The following LGALS8 variants were observed in gnomAD, a reference collection of about 807,000 sequenced individuals.
LGALS8 encodes the protein galectin 8, also known as galectin-8.
In LGALS8, 30 loss-of-function variants were observed where a neutral mutation model predicts 35.9. The observed-to-expected ratio is 0.83, with a 90% confidence interval of 0.62 to 1.13. LGALS8 has a LOEUF of 1.13. Among genes scored for constraint, LGALS8 ranks in the 50% most tolerant of loss-of-function variants. The pLI is 0.00. For synonymous variants in LGALS8, 138 were observed against 136.1 expected (o/e 1.01, Z -0.10); for missense variants, 366 against 388.7 (o/e 0.94, Z 0.49).
At chr1:236,519,158 G>A (rs140408369), upstream of LGALS8, among the ~76,000 whole-genome samples, 2,326 of 151,888 alleles carry the variant, frequency 0.015, 60 homozygotes, top group African/African-American at 0.052. Context: ...GGAGGTTGAG[G>A]CAGGAGGACT....
Position 236,526,658 on chromosome 1 carries a change from T to C in LGALS8, c.45+543T>C, listed in dbSNP as rs1264571019. On this transcript the variant is annotated intron_variant, in intron 2 of 9. Transcript: ENST00000366584. The surrounding 1 kb of genome is among the most constrained non-coding windows in gnomAD (Gnocchi z 4.6). Reference sequence around the variant, plus strand: ...ACTGTAATTGCTGGAAATTGCCCTGTAATCCTGAGCAGTAAAGAGCTTGTT... The same window carrying C: ...ACTGTAATTGCTGGAAATTGCCCTGCAATCCTGAGCAGTAAAGAGCTTGTT... Among the ~76,000 whole-genome samples the C allele has an allele frequency of 6.6e-6, 1 of 152,190 alleles. No homozygotes were observed. The highest frequency in any genetic ancestry group is 1.5e-5 in the Non-Finnish European group (1 of 68,040).
chr1:236,552,141 T>C lies in LGALS8; in HGVS notation c.*3980T>C, dbSNP rs994189856. 3 of 1,366,728 alleles carry C rather than the reference T, an allele frequency of 2.2e-6. No homozygotes were observed. Among genetic ancestry groups the C allele is most frequent in the Admixed American group, 1.7e-5 (1 of 58,942 alleles). The allele number at this position is 1,366,728 out of a possible 1,614,324, so 84.7% of individuals were successfully genotyped here. A position where few individuals can be genotyped will look rare whatever the true frequency, so the allele number is the denominator to read the frequency against. ...GATAAAAGAGCAAAGAAATAAAAAG[T>C]AGTGTTACTGTATTTATTATCTTAA... On this transcript the variant is annotated 3_prime_UTR_variant, in exon 10 of 10. Transcript: ENST00000366584.
At chr1:236,544,973 G>T in intron 9 of LGALS8, 58 bp downstream of exon 9, 1 of 1,351,572 alleles carries the variant, frequency 7.4e-7, no homozygotes, top group Admixed American at 2.0e-5. Context: ...GCAGGGGTGG[G>T]ATAAGTGGTC....
At chr1:236,538,510 G>A (rs572991712) in intron 3 of LGALS8, among the ~76,000 whole-genome samples, 1 of 152,326 alleles carries the variant, frequency 6.6e-6, no homozygotes, top group South Asian at 2.1e-4. Flanking sequence ...GTGTTTGCGG[G>A]GAAACAGAGC....
intron 9 of LGALS8, chr1:236,545,243 CG>C (rs35912848): frequency 0.54 from 93,869 of 174,320 alleles, 27,697 homozygotes; most frequent in Non-Finnish European, 0.65. Flanking sequence ...GACTTGAGGA[CG>C]TGGAGACCCT....
chr1:236,529,322 C>T (rs181484730), intron 2 of LGALS8, among the ~76,000 whole-genome samples: 228 of 152,206 alleles, frequency 1.5e-3, no homozygotes, highest in African/African-American at 5.2e-3. Flanking sequence ...CGGCTCATGC[C>T]TGTAATCCCA....
chr1:236,544,691 G>A, intron 8 of LGALS8, 59 bp from the exon 9 acceptor site: 1 of 1,344,908 alleles, frequency 7.4e-7, no homozygotes, highest in Non-Finnish European at 1.0e-6. Context: ...TGCTGAAATT[G>A]CCACTACTCT....
At chr1:236,540,540 G>GA (rs1558164685) in intron 4 of LGALS8, 24 bp from the exon 5 acceptor site, 1 of 1,503,436 alleles carries the variant, frequency 6.7e-7, no homozygotes, top group Non-Finnish European at 8.9e-7. Flanking sequence ...GGCGGGGGGG[G>GA]CTCTGTCTTC....
rs562338325 is a variant in LGALS8, at chr1:236,537,021, C to CTTTTTTTTGT, written c.46-468_46-467insGTTTTTTTTT. ...ATCCTGGCCATGAGGTATGCAGTTC[C>CTTTTTTTTGT]TTTTTTTTTTTTTGAGACGGAGCCT... On this transcript the variant is annotated intron_variant, in intron 2 of 9. Coordinates refer to ENST00000366584, the MANE Select transcript of LGALS8 (RefSeq NM_201544.4). Among the ~76,000 whole-genome samples the CTTTTTTTTGT allele has an allele frequency of 1.7e-4, 24 of 137,884 alleles. 4 individuals are homozygous for CTTTTTTTTGT. The highest frequency in any genetic ancestry group is 2.6e-4 in the Non-Finnish European group (17 of 65,944). The allele number at this position is 137,884 out of a possible 152,430, so 90.5% of individuals were successfully genotyped here. A position where few individuals can be genotyped will look rare whatever the true frequency, so the allele number is the denominator to read the frequency against.
intron 9 of LGALS8, chr1:236,545,225 T>C (rs1662289632): frequency 5.4e-6 from 1 of 183,746 alleles, no homozygotes. Context: ...CATTTAATCA[T>C]ATAAGCAGAC....
At chr1:236,544,688 A>G (rs990884706) in intron 8 of LGALS8, 62 bp from the exon 9 acceptor site, 4 of 1,328,914 alleles carry the variant, frequency 3.0e-6, no homozygotes, top group Admixed American at 2.3e-5. Flanking sequence ...CATTGCTGAA[A>G]TTGCCACTAC....
chr1:236,535,060 CAAAAAAAAA>C (rs5781893), intron 2 of LGALS8, among the ~76,000 whole-genome samples: 1 of 64,902 alleles, frequency 1.5e-5, no homozygotes, highest in Non-Finnish European at 2.8e-5. Flanking sequence ...GACTCTGTCT[CAAAAAAAAA>C]AAAAAAAAAA....
At chr1:236,538,086 C>CGAAAAAAAA in intron 3 of LGALS8, among the ~76,000 whole-genome samples, 1 of 50,114 alleles carries the variant, frequency 2.0e-5, no homozygotes, top group African/African-American at 4.8e-5. Context: ...GCCTGGGTGA[C>CGAAAAAAAA]AAAAAAAAAA....
upstream of LGALS8, among the ~76,000 whole-genome samples, chr1:236,520,984 G>A (rs1460518247): frequency 6.6e-6 from 1 of 152,286 alleles, no homozygotes; most frequent in East Asian, 1.9e-4. Flanking sequence ...TGACTCCTCT[G>A]AGAGACTTTC....
chr1:236,526,169 A>C lies in LGALS8; in HGVS notation c.45+54A>C. 1 of 1,257,458 alleles carries C rather than the reference A, an allele frequency of 8.0e-7. No homozygotes were observed. The highest frequency in any genetic ancestry group is 1.2e-6 in the Non-Finnish European group (1 of 862,302). The allele number at this position is 1,257,458 out of a possible 1,614,324, so 77.9% of individuals were successfully genotyped here. On this transcript the variant is annotated intron_variant, in intron 2 of 9. Coordinates refer to ENST00000366584, the MANE Select transcript of LGALS8 (RefSeq NM_201544.4). This position sits in a 1 kb window ranked among gnomAD's most constrained non-coding sequence, Gnocchi z 4.6. The stretch of plus-strand genomic sequence containing the variant: ...ACCTATGCCAGGACAGATCCAATAG[A>C]ATATTAATTATCCATTGGGAGACAG...
chr1:236,552,383 T>A lies in LGALS8; in HGVS notation c.*4222T>A. ...AATGTCTTTTTATAATCTCTTCCTTTAAAAAAAACCAATAAAATAAAATGC... is the reference window on the plus strand; with the variant it reads ...AATGTCTTTTTATAATCTCTTCCTTAAAAAAAAACCAATAAAATAAAATGC... On this transcript the variant is annotated 3_prime_UTR_variant, in exon 10 of 10. Coordinates refer to ENST00000366584, the MANE Select transcript of LGALS8 (RefSeq NM_201544.4). The A allele has an allele frequency of 9.6e-6, 2 of 208,274 alleles. No homozygotes were observed. The highest frequency in any genetic ancestry group is 5.9e-5 in the Admixed American group (1 of 17,040). The allele number at this position is 208,274 out of a possible 1,614,324, so 12.9% of individuals were successfully genotyped here.
chr1:236,540,735 G>A (rs1661938642), intron 5 of LGALS8, 52 bp downstream of exon 5: 2 of 1,514,694 alleles, frequency 1.3e-6, no homozygotes, highest in Non-Finnish European at 1.8e-6. Context: ...TTTCTGATGA[G>A]ATGGTAGAAA....
At chr1:236,521,424 A>G (rs1486851962), upstream of LGALS8, among the ~76,000 whole-genome samples, 1 of 152,208 alleles carries the variant, frequency 6.6e-6, no homozygotes, top group African/African-American at 2.4e-5. Context: ...CTGCTGCAGA[A>G]AAAGTGAGAA....
intron 2 of LGALS8, 34 bp from the exon 3 acceptor site, chr1:236,537,463 T>C (rs368801499): frequency 2.2e-6 from 3 of 1,348,976 alleles, no homozygotes; most frequent in Non-Finnish European, 3.2e-6. Flanking sequence ...ATTTTGTTTA[T>C]GTAAACGTAC....
Sources: allele counts gnomAD v4.1 joint callset (sites outside exome capture counted in the v4.1 genomes callset), GRCh38; gene constraint gnomAD v4.1.1; non-coding constraint Gnocchi (gnomAD v3.1); transcripts MANE v1.5; gene names NCBI Gene and HGNC (gene_info 2026-07-23, HGNC 2026-07-21).